The following CTNNA3 variants were observed in gnomAD, a reference collection of about 807,000 sequenced individuals.
CTNNA3 encodes the protein catenin alpha 3.
A neutral mutation model predicts 95.7 loss-of-function variants in CTNNA3; 76 were observed. That is an observed-to-expected ratio of 0.79 (90% CI 0.66 to 0.96). CTNNA3 has a LOEUF of 0.96. Among genes scored for constraint, CTNNA3 ranks in the 40% least tolerant of loss-of-function variants. The pLI, the probability that CTNNA3 is intolerant of heterozygous loss-of-function variation, is 0.00. For synonymous variants in CTNNA3, 431 were observed against 374.4 expected (o/e 1.15, Z -1.74); for missense variants, 1,191 against 1,089.8 (o/e 1.09, Z -1.31).
chr10:66,371,255 G>A (rs186617467), intron 12 of CTNNA3, among the ~76,000 whole-genome samples: 15 of 152,148 alleles, frequency 9.9e-5, no homozygotes, highest in African/African-American at 2.6e-4. Context: ...AAGGGTAAAC[G>A]TTCCCCCTTT....
At chr10:66,244,180 G>A (rs1429991621) in intron 13 of CTNNA3, among the ~76,000 whole-genome samples, 1 of 152,214 alleles carries the variant, frequency 6.6e-6, no homozygotes, top group African/African-American at 2.4e-5. Flanking sequence ...GAAAGAGGTA[G>A]GGAAGAATGG....
At chr10:66,073,424 C>A (rs1045521356) in intron 14 of CTNNA3, among the ~76,000 whole-genome samples, 1 of 152,120 alleles carries the variant, frequency 6.6e-6, no homozygotes, top group African/African-American at 2.4e-5. Flanking sequence ...CCTCTTCAGT[C>A]CTGTTCTCCT....
Position 66,475,701 on chromosome 10 carries a change from A to T in CTNNA3, c.1531+44916T>A, listed in dbSNP as rs149440956. On this transcript the variant is annotated intron_variant, in intron 11 of 17. Coordinates refer to ENST00000433211, the MANE Select transcript of CTNNA3 (RefSeq NM_013266.4). ...CCAGTCAGAATGGCAATCATTAAAA[A>T]GTCAAGAAACAAAAGATGCTGGCGA... Among the ~76,000 whole-genome samples, 611 of 152,274 alleles carry T rather than the reference A, an allele frequency of 4.0e-3. 8 individuals carry two copies. The highest frequency in any genetic ancestry group is 0.014 in the African/African-American group (598 of 41,570).
chr10:66,215,235 T>C (rs555790059), intron 13 of CTNNA3, among the ~76,000 whole-genome samples: 2 of 152,244 alleles, frequency 1.3e-5, no homozygotes, highest in East Asian at 3.9e-4. Context: ...ACGTGCATGA[T>C]CCAATCTGAA....
At chr10:66,512,055 G>T (rs1840681563) in intron 11 of CTNNA3, among the ~76,000 whole-genome samples, 1 of 151,802 alleles carries the variant, frequency 6.6e-6, no homozygotes, top group Non-Finnish European at 1.5e-5. Context: ...GAGTGCTCTG[G>T]TGTTCGGTGG....
chr10:66,175,255 A>G (rs2085648932), intron 13 of CTNNA3, among the ~76,000 whole-genome samples: 1 of 152,132 alleles, frequency 6.6e-6, no homozygotes, highest in African/African-American at 2.4e-5. Context: ...TGCTCCTTCT[A>G]GATCTTGCAA....
intron 12 of CTNNA3, among the ~76,000 whole-genome samples, chr10:66,340,793 T>C (rs1207517958): frequency 6.6e-6 from 1 of 151,742 alleles, no homozygotes; most frequent in Non-Finnish European, 1.5e-5. Context: ...GTTTAATAGA[T>C]AAATAAAATG....
intron 12 of CTNNA3, among the ~76,000 whole-genome samples, chr10:66,295,871 C>A (rs1020202924): frequency 1.3e-5 from 2 of 152,164 alleles, no homozygotes; most frequent in African/African-American, 4.8e-5. Flanking sequence ...TAATATGGAA[C>A]ATGGTGTATT....
chr10:65,983,467 T>C lies in CTNNA3; in HGVS notation c.2265+5225A>G, dbSNP rs1316865598. ...TATCTGCTAATATGATTAATTACAATGTAGAGTACAGAAATAGAAAAAAAT... is the reference window on the plus strand; with the variant it reads ...TATCTGCTAATATGATTAATTACAACGTAGAGTACAGAAATAGAAAAAAAT... On this transcript the variant is annotated intron_variant, in intron 16 of 17. Coordinates refer to ENST00000433211, the MANE Select transcript of CTNNA3 (RefSeq NM_013266.4). Among the ~76,000 whole-genome samples the C allele has an allele frequency of 2.6e-5, 4 of 151,552 alleles. No individual in the cohort carries two copies. In the East Asian group the frequency reaches 7.7e-4, roughly 29 times the overall value.
rs568750619 is a variant in CTNNA3 at position 66,605,485 on chromosome 10, A to T, written c.1374+16207T>A. Among the ~76,000 whole-genome samples, 8 of 152,272 alleles carry T rather than the reference A, an allele frequency of 5.3e-5. No individual in the cohort carries two copies. The South Asian group carries it at 1.7e-3, about 32-fold the overall frequency. On this transcript the variant is annotated intron_variant, in intron 10 of 17. Transcript: ENST00000433211. The stretch of plus-strand genomic sequence containing the variant: ...CCCCAGTAAGATACTTCACAAGAAG[A>T]TCGCTCCAAGACATACAATCATCAG...
intron 11 of CTNNA3, among the ~76,000 whole-genome samples, chr10:66,462,019 G>A (rs1199353327): frequency 6.6e-6 from 1 of 151,712 alleles, no homozygotes; most frequent in Non-Finnish European, 1.5e-5. Flanking sequence ...CATCATGTTG[G>A]CCAGGCTGGT....
intron 7 of CTNNA3, among the ~76,000 whole-genome samples, chr10:66,874,643 G>A (rs1844546258): frequency 6.6e-6 from 1 of 152,132 alleles, no homozygotes; most frequent in Non-Finnish European, 1.5e-5. Flanking sequence ...AGAATTTAAA[G>A]AATATTTCTA....
intron 7 of CTNNA3, among the ~76,000 whole-genome samples, chr10:67,116,020 G>GT (rs917230007): frequency 1.3e-5 from 2 of 151,454 alleles, no homozygotes; most frequent in Admixed American, 6.6e-5. Context: ...TTCTTTCTTT[G>GT]TTTTTTTCTT....
intron 17 of CTNNA3, among the ~76,000 whole-genome samples, chr10:65,928,713 C>T (rs896870567): frequency 3.9e-5 from 6 of 152,186 alleles, no homozygotes; most frequent in African/African-American, 1.4e-4. Flanking sequence ...CATACCCTCA[C>T]TCCATCTACC....
intron 13 of CTNNA3, among the ~76,000 whole-genome samples, chr10:66,166,537 T>G (rs1426246215): frequency 1.3e-5 from 2 of 149,148 alleles, no homozygotes; most frequent in African/African-American, 4.9e-5. Flanking sequence ...TTCAGAAAGA[T>G]TAAGTAGCTT....
At chr10:66,575,717 T>A (rs1406833274) in intron 10 of CTNNA3, among the ~76,000 whole-genome samples, 1 of 152,172 alleles carries the variant, frequency 6.6e-6, no homozygotes, top group Non-Finnish European at 1.5e-5. Context: ...GGAGTCTTCA[T>A]AATAACTCTG....
rs541258592 is a variant in CTNNA3 at position 67,593,593 on chromosome 10, T to C, written c.292+13264A>G. 3.9e-5 allele frequency among the ~76,000 whole-genome samples: 6 copies of C among 152,298 alleles called. No individual in the cohort carries two copies. The South Asian group carries it at 8.3e-4, about 21-fold the overall frequency. ...TGCTGTATAGAAATGCTGGTGATTT[T>C]TGTATGTTGATTTTGTATCCTGAAA... On this transcript the variant is annotated intron_variant, in intron 3 of 17. Coordinates refer to ENST00000433211, the MANE Select transcript of CTNNA3 (RefSeq NM_013266.4).
intron 3 of CTNNA3, among the ~76,000 whole-genome samples, chr10:67,584,565 T>A (rs757170318): frequency 1.6e-4 from 25 of 152,192 alleles, no homozygotes; most frequent in Admixed American, 2.0e-4. Flanking sequence ...TCAAACTCTG[T>A]GCTGGGAGAA....
At chr10:66,439,121 C>T (rs995868634) in intron 11 of CTNNA3, among the ~76,000 whole-genome samples, 9 of 152,040 alleles carry the variant, frequency 5.9e-5, no homozygotes, top group African/African-American at 1.4e-4. Flanking sequence ...AGCTGAAGAC[C>T]GGAGCTGTTC....
Sources: allele counts gnomAD v4.1 joint callset (sites outside exome capture counted in the v4.1 genomes callset), GRCh38; gene constraint gnomAD v4.1.1; transcripts MANE v1.5; gene names NCBI Gene and HGNC (gene_info 2026-07-23, HGNC 2026-07-21).